DHRSX: variants seen among roughly 807,000 people sequenced by gnomAD.
DHRSX encodes the protein polyprenol dehydrogenase.
Under a neutral mutation model 34.0 loss-of-function variants are expected in DHRSX, and 31 were observed. The observed-to-expected ratio is 0.91, with a 90% CI of 0.69 to 1.23. The LOEUF (loss-of-function observed/expected upper bound fraction) is 1.23, where lower values mean the gene tolerates loss of function less well. DHRSX is among the 50% of genes most tolerant of loss of function. The probability of loss-of-function intolerance (pLI) is 0.00; values close to 1 mark genes in which losing one functional copy is unlikely to be tolerated. For synonymous variants in DHRSX, 201 were observed against 183.8 expected, an observed-to-expected ratio of 1.09 and a Z score of -0.76; for missense variants, 414 against 428.1, an observed-to-expected ratio of 0.97 and a Z score of 0.29.
At chrX:2,283,906 GAATTCACTCA>G (rs2041766886) in intron 4 of DHRSX, among the ~76,000 whole-genome samples, 5 of 28,922 alleles carry the variant, frequency 1.7e-4, no homozygotes, top group African/African-American at 5.7e-4. Flanking sequence ...TCATTCCTTT[GAATTCACTCA>G]TTCCTTTGAA....
At chrX:2,225,013 C>T (rs750957602) in intron 6 of DHRSX, among the ~76,000 whole-genome samples, 9 of 151,264 alleles carry the variant, frequency 5.9e-5, no homozygotes, top group Non-Finnish European at 1.0e-4. Flanking sequence ...TGCTCACACT[C>T]ATTCACATGC....
intron 3 of DHRSX, among the ~76,000 whole-genome samples, chrX:2,357,700 T>TAA (rs781233833): frequency 1.4e-4 from 17 of 125,164 alleles, no homozygotes; most frequent in Non-Finnish European, 2.7e-4. Context: ...CTCAGGAAAT[T>TAA]AAAAAAAAAA....
chrX:2,299,078 C>T (rs1323874419), intron 3 of DHRSX, among the ~76,000 whole-genome samples: 1 of 150,926 alleles, frequency 6.6e-6, no homozygotes, highest in Non-Finnish European at 1.5e-5. Context: ...CCTTTTAACT[C>T]TTAGCAACTG....
At chrX:2,451,868 G>C (rs761195870) in intron 1 of DHRSX, among the ~76,000 whole-genome samples, 1 of 146,122 alleles carries the variant, frequency 6.8e-6, no homozygotes, top group Non-Finnish European at 1.5e-5. Context: ...CACTGAAGAC[G>C]CTCCCTAAGA....
At chrX:2,268,168 C>T (rs1289948888) in intron 4 of DHRSX, among the ~76,000 whole-genome samples, 1 of 152,160 alleles carries the variant, frequency 6.6e-6, no homozygotes, top group Non-Finnish European at 1.5e-5. Context: ...ACAGAACAGC[C>T]CACCCCTGTC....
rs777603943 is a variant in DHRSX at position 2,373,228 on chromosome X, C to T, written c.286+35517G>A. 4.9e-4 allele frequency among the ~76,000 whole-genome samples: 74 copies of T among 152,318 alleles called. 1 individual carries two copies. In the Middle Eastern group the frequency reaches 0.027, roughly 56 times the overall value. On this transcript the variant is annotated intron_variant, in intron 3 of 6. Transcript: ENST00000334651. ...CGCGCCCATGATTCAATTTCCTCCACCTGGCCCCACCCTTCACAGGTGGGA... is the reference window on the plus strand; with the variant it reads ...CGCGCCCATGATTCAATTTCCTCCATCTGGCCCCACCCTTCACAGGTGGGA...
intron 3 of DHRSX, among the ~76,000 whole-genome samples, chrX:2,365,402 A>G (rs1215435969): frequency 6.6e-6 from 1 of 152,034 alleles, no homozygotes; most frequent in Non-Finnish European, 1.5e-5. Flanking sequence ...GGCCTCCCAA[A>G]GTGCTGGGAT....
chrX:2,466,048 C>T (rs1371516494), intron 1 of DHRSX, among the ~76,000 whole-genome samples: 2 of 152,142 alleles, frequency 1.3e-5, no homozygotes, highest in Non-Finnish European at 2.9e-5. Context: ...TTCCTGAACA[C>T]GACGCCTGTT....
intron 3 of DHRSX, among the ~76,000 whole-genome samples, chrX:2,304,471 G>T (rs1417442169): frequency 6.6e-6 from 1 of 152,120 alleles, no homozygotes; most frequent in Non-Finnish European, 1.5e-5. Flanking sequence ...GACCCTTGTA[G>T]GGGGAGATTG....
At chrX:2,443,354 G>C (rs1311194924) in intron 1 of DHRSX, among the ~76,000 whole-genome samples, 1 of 151,784 alleles carries the variant, frequency 6.6e-6, no homozygotes, top group Non-Finnish European at 1.5e-5. Flanking sequence ...TTTAGCCCAG[G>C]GGTCTAACTC....
At chrX:2,358,503 C>T (rs2042886127) in intron 3 of DHRSX, among the ~76,000 whole-genome samples, 1 of 152,052 alleles carries the variant, frequency 6.6e-6, no homozygotes, top group African/African-American at 2.4e-5. Context: ...CAAGACCATC[C>T]TGGCTAACAC....
At chrX:2,245,177 T>C (rs1281518090) in intron 5 of DHRSX, among the ~76,000 whole-genome samples, 2 of 152,176 alleles carry the variant, frequency 1.3e-5, no homozygotes, top group Non-Finnish European at 2.9e-5. Context: ...CTCACTGAGA[T>C]AGATGCATAT....
chrX:2,462,096 G>C (rs748668553), intron 1 of DHRSX, among the ~76,000 whole-genome samples: 1 of 151,112 alleles, frequency 6.6e-6, no homozygotes, highest in Non-Finnish European at 1.5e-5. Flanking sequence ...AACTTCATAT[G>C]TATTACCTAA....
At position 2,220,891 on chromosome X, in the gene DHRSX, A is replaced by C. The variant is rs959023746; in HGVS notation, c.*150T>G. On this transcript the variant is annotated 3_prime_UTR_variant, in exon 7 of 7. Transcript: ENST00000334651. ...TTTATTTGGCTTCTTGAAGTTCTGC[A>C]GAGGTTGAGGCAGCTGTCTCAAAAC... is the stretch of plus-strand genomic sequence containing the variant. 7.2e-5 allele frequency: 46 copies of C among 636,972 alleles called. 1 individual carries two copies. Among genetic ancestry groups the C allele is most frequent in the Non-Finnish European group, 1.2e-4 (45 of 379,418 alleles). The allele number at this position is 636,972 out of a possible 1,614,324, so 39.5% of individuals were successfully genotyped here. A position where few individuals can be genotyped will look rare whatever the true frequency, so the allele number is the denominator to read the frequency against.
At chrX:2,458,332 G>A (rs6641746) in intron 1 of DHRSX, among the ~76,000 whole-genome samples, 6,493 of 152,182 alleles carry the variant, frequency 0.043, 234 homozygotes, top group South Asian at 0.092. Context: ...CCCACCGCTC[G>A]GTGTGTACCC....
At chrX:2,418,347 C>T (rs1451869622) in intron 2 of DHRSX, among the ~76,000 whole-genome samples, 1 of 151,978 alleles carries the variant, frequency 6.6e-6, no homozygotes, top group African/African-American at 2.4e-5. Context: ...ATGACCAAAC[C>T]AAACTGTACC....
At chrX:2,347,818 C>T (rs1417508422) in intron 3 of DHRSX, among the ~76,000 whole-genome samples, 1 of 152,144 alleles carries the variant, frequency 6.6e-6, no homozygotes, top group South Asian at 2.1e-4. Flanking sequence ...CAGCAACATA[C>T]GGTACATGGA....
rs113619915 is a variant in DHRSX at position 2,275,514 on chromosome X, C to CA, written c.389-8568dup. 9.0e-5 allele frequency among the ~76,000 whole-genome samples: 13 copies of CA among 143,774 alleles called. No individual in the cohort carries two copies. The South Asian group carries it at 1.3e-3, about 15-fold the overall frequency. The allele number at this position is 143,774 out of a possible 152,430, so 94.3% of individuals were successfully genotyped here. A position where few individuals can be genotyped will look rare whatever the true frequency, so the allele number is the denominator to read the frequency against. ...ACAACAGCGAGACTATGTTTCAAAA[C>CA]AAAAAAAAAAAAGGTGCAGAGATCA... On this transcript the variant is annotated intron_variant, in intron 4 of 6. Coordinates refer to ENST00000334651, the MANE Select transcript of DHRSX (RefSeq NM_145177.3).
chrX:2,255,090 G>A (rs1042779184), intron 5 of DHRSX, among the ~76,000 whole-genome samples: 151 of 151,448 alleles, frequency 1.0e-3, no homozygotes, highest in African/African-American at 3.5e-3. Flanking sequence ...TCAGCCTCCT[G>A]AGTAGCTGGG....
Sources: gnomAD v4.1 joint callset for allele counts (sites outside exome capture counted in the v4.1 genomes callset) on GRCh38, gnomAD v4.1.1 for gene constraint, MANE v1.5 for transcripts, NCBI Gene and HGNC (gene_info 2026-07-23, HGNC 2026-07-21) for gene names.